KIF14: variants seen among roughly 807,000 people sequenced by gnomAD.
KIF14 encodes the protein kinesin-like protein KIF14.
A neutral mutation model predicts 176.2 loss-of-function variants in KIF14; 98 were observed. That is an observed-to-expected ratio of 0.56 (90% CI 0.47 to 0.66). KIF14 has a LOEUF of 0.66. Ranked by LOEUF, KIF14 falls within the 30% of genes least tolerant of loss-of-function variation. The probability of loss-of-function intolerance (pLI) is 0.00; values close to 1 mark genes in which losing one functional copy is unlikely to be tolerated. For missense variants in KIF14, 1,751 were observed against 1,920.4 expected (o/e 0.91, Z 1.65); for synonymous variants, 566 against 632.2 (o/e 0.90, Z 1.57).
intron 10 of KIF14, 135 bp from the exon 11 acceptor site, chr1:200,602,203 T>C (rs1659660796): frequency 3.1e-6 from 2 of 645,740 alleles, no homozygotes; most frequent in Non-Finnish European, 2.5e-6. Context: ...TTTAAAACTT[T>C]TCTGGTATTT....
At chr1:200,592,042 C>A in intron 16 of KIF14, 38 bp downstream of exon 16, 1 of 1,546,008 alleles carries the variant, frequency 6.5e-7, no homozygotes, top group Non-Finnish European at 8.8e-7. Flanking sequence ...GTAGATCTCT[C>A]TCATACACTT....
chr1:200,579,767 A>T (rs536597656), intron 21 of KIF14, among the ~76,000 whole-genome samples: 3 of 152,296 alleles, frequency 2.0e-5, no homozygotes, highest in Admixed American at 2.0e-4. Flanking sequence ...AAAATAAGAT[A>T]TTAAAAACTA....
chr1:200,564,036 C>T (rs928497892), intron 25 of KIF14, among the ~76,000 whole-genome samples: 4 of 151,938 alleles, frequency 2.6e-5, no homozygotes, highest in African/African-American at 7.2e-5. Flanking sequence ...CTGAGGGGGG[C>T]GGATCACCTG....
intron 23 of KIF14, among the ~76,000 whole-genome samples, chr1:200,567,659 T>A (rs1657545409): frequency 6.6e-6 from 1 of 152,092 alleles, no homozygotes; most frequent in Admixed American, 6.6e-5. Context: ...ATTCAGAGCC[T>A]CTGGAAATAA....
rs376483675 is a variant in KIF14, at chr1:200,565,646, T to G, written c.3685A>C (p.Ile1229Leu). 6.3e-7 allele frequency: 1 copy of G among 1,598,852 alleles called. No homozygotes were observed. Among genetic ancestry groups the G allele is most frequent in the African/African-American group, 1.4e-5 (1 of 73,956 alleles). The change falls in exon 24 of 30, where the codon ATT (isoleucine) becomes CTT (leucine). Residue 1229 changes from isoleucine to leucine, a missense_variant. Physicochemically the swap from Ile to Leu is conservative, Grantham distance 5 (BLOSUM62 2). Transcript: ENST00000367350. ...AAGGACTCTGCTGAATTTGAGTAAATAGTGCTTGATTTGTCCATTAAACCT... is the reference window on the plus strand; with the variant it reads ...AAGGACTCTGCTGAATTTGAGTAAAGAGTGCTTGATTTGTCCATTAAACCT... ...SSGLMDKSST[I>L]YSNSAESFLP...
intron 8 of KIF14, 118 bp downstream of exon 8, chr1:200,605,165 C>T: frequency 3.2e-6 from 3 of 948,582 alleles, no homozygotes; most frequent in Non-Finnish European, 4.9e-6. Context: ...ATACCTTGGT[C>T]TGGGTGATCA....
intron 21 of KIF14, 51 bp from the exon 22 acceptor site, chr1:200,575,742 T>A (rs774715878): frequency 2.0e-6 from 2 of 1,023,724 alleles, no homozygotes; most frequent in South Asian, 1.9e-5. Flanking sequence ...GAAAAAATGT[T>A]TAGCAACTAA....
At chr1:200,578,280 T>G (rs943958011) in intron 21 of KIF14, among the ~76,000 whole-genome samples, 1 of 152,186 alleles carries the variant, frequency 6.6e-6, no homozygotes, top group Admixed American at 6.5e-5. Context: ...ATTTTGTTTT[T>G]ATTTTCATTT....
chr1:200,611,644 C>A (rs1271386722), intron 4 of KIF14, among the ~76,000 whole-genome samples: 1 of 152,196 alleles, frequency 6.6e-6, no homozygotes, highest in Non-Finnish European at 1.5e-5. Flanking sequence ...TGGGGCCACA[C>A]TGGAGAGGTC....
chr1:200,591,412 T>C (rs1384220286), intron 16 of KIF14, among the ~76,000 whole-genome samples: 1 of 152,232 alleles, frequency 6.6e-6, no homozygotes, highest in Non-Finnish European at 1.5e-5. Context: ...TGAGTGCCAG[T>C]GATCTCTCTA....
chr1:200,587,389 A>T (rs1658807260), intron 18 of KIF14, among the ~76,000 whole-genome samples: 1 of 149,270 alleles, frequency 6.7e-6, no homozygotes, highest in Admixed American at 6.8e-5. Context: ...AAAAAAAAGA[A>T]GAAAAAAGGA....
intron 4 of KIF14, among the ~76,000 whole-genome samples, chr1:200,611,111 T>A (rs998249462): frequency 1.3e-4 from 20 of 152,154 alleles, no homozygotes; most frequent in African/African-American, 4.6e-4. Flanking sequence ...AAACTTTGCT[T>A]CCAAACAGCT....
intron 23 of KIF14, 140 bp from the exon 24 acceptor site, chr1:200,565,809 G>T: frequency 1.6e-6 from 1 of 617,322 alleles, no homozygotes. Context: ...GTTCACTGTG[G>T]AATTAGAAAA....
chr1:200,610,509 CAA>C (rs35647787), intron 4 of KIF14, among the ~76,000 whole-genome samples: 21,469 of 108,074 alleles, frequency 0.2, 1,715 homozygotes, highest in Admixed American at 0.22. Context: ...GACTTCCTCT[CAA>C]AAAAAAAAAA....
In KIF14 at chr1:200,593,697, T is replaced by A. The variant is rs2102698827; in HGVS notation, c.2622A>T (p.Lys874Asn). The change falls in exon 15 of 30, where the codon AAA becomes AAT. Residue 874 changes from lysine (K) to asparagine (N), a missense_variant. By Grantham distance (94) the Lys-to-Asn change is moderately conservative. Coordinates refer to ENST00000367350, the MANE Select transcript of KIF14 (RefSeq NM_014875.3). ...GTAATACTGTGATTTCCAAAATATGTTTTCCATTTACATATGTCTTTGCTT... is the reference window on the plus strand; with the variant it reads ...GTAATACTGTGATTTCCAAAATATGATTTCCATTTACATATGTCTTTGCTT... The part of the protein sequence containing the change: ...VGEAKTYVNG[K>N]HILEITVLRH... The A allele has an allele frequency of 6.2e-7, 1 of 1,612,274 alleles. No homozygotes were observed. Among genetic ancestry groups the A allele is most frequent in the African/African-American group, 1.3e-5 (1 of 74,998 alleles).
At chr1:200,559,223 G>A (rs79898717) in intron 27 of KIF14, 107 bp downstream of exon 27, 21,578 of 704,450 alleles carry the variant, frequency 0.031, 362 homozygotes, top group Middle Eastern at 0.048. Context: ...AAAATAACTC[G>A]AAACAAATTA....
At chr1:200,600,247 C>G in intron 12 of KIF14, 109 bp downstream of exon 12, 1 of 1,279,464 alleles carries the variant, frequency 7.8e-7, no homozygotes, top group Non-Finnish European at 1.1e-6. Flanking sequence ...GTGGGCTGCT[C>G]TATTCATAAG....
At position 200,565,625 on chromosome 1, in the gene KIF14, A is replaced by T. The variant is rs1657407417; in HGVS notation, c.3706T>A (p.Ser1236Thr). The T allele has an allele frequency of 6.2e-7, 1 of 1,609,168 alleles. No individual in the cohort carries two copies. The highest frequency in any genetic ancestry group is 2.2e-5 in the East Asian group (1 of 44,782). The stretch of plus-strand genomic sequence containing the variant: ...TCTTTGCAAATTCCAGGAAGAAAGG[A>T]CTCTGCTGAATTTGAGTAAATAGTG... ...SSTIYSNSAE[S>T]FLPGICKELI... The change falls in exon 24 of 30, where the codon TCC becomes ACC. Residue 1236 changes from serine to threonine, a missense_variant. Coordinates refer to ENST00000367350, the MANE Select transcript of KIF14 (RefSeq NM_014875.3).
intron 23 of KIF14, among the ~76,000 whole-genome samples, chr1:200,566,220 G>C (rs538057503): frequency 6.6e-6 from 1 of 151,784 alleles, no homozygotes. Context: ...AATATCCCAC[G>C]TAACCACTGG....
Sources: gnomAD v4.1 joint callset for allele counts (sites outside exome capture counted in the v4.1 genomes callset) on GRCh38, gnomAD v4.1.1 for gene constraint, MANE v1.5 for transcripts, NCBI Gene and HGNC (gene_info 2026-07-23, HGNC 2026-07-21) for gene names.